KCNMB2: variants seen among roughly 807,000 people sequenced by gnomAD.
KCNMB2 encodes calcium-activated potassium channel subunit beta-2.
In KCNMB2, 9 loss-of-function variants were observed where a neutral mutation model predicts 24.5. The observed-to-expected ratio is 0.37, with a 90% CI of 0.22 to 0.64. KCNMB2 has a LOEUF of 0.64. Among genes scored for constraint, KCNMB2 ranks in the 30% least tolerant of loss-of-function variants. The probability of loss-of-function intolerance (pLI) is 0.63; values close to 1 mark genes in which losing one functional copy is unlikely to be tolerated. For missense variants in KCNMB2, 226 were observed against 284.3 expected (o/e 0.79, Z 1.47); for synonymous variants, 109 against 104.4 (o/e 1.04, Z -0.27).
chr3:178,721,893 G>A (rs1722818434), intron 1 of KCNMB2, among the ~76,000 whole-genome samples: 1 of 152,096 alleles, frequency 6.6e-6, no homozygotes, highest in East Asian at 1.9e-4. Flanking sequence ...TGAAATGTCT[G>A]TTCAAGCCAT....
intron 1 of KCNMB2, among the ~76,000 whole-genome samples, chr3:178,716,363 G>A (rs904749110): frequency 6.6e-6 from 1 of 151,780 alleles, no homozygotes. Flanking sequence ...ATTCAATTGA[G>A]AGAAAACTGA....
chr3:178,541,033 T>C (rs139485807), intron 1 of KCNMB2, among the ~76,000 whole-genome samples: 3 of 152,342 alleles, frequency 2.0e-5, no homozygotes, highest in Admixed American at 1.3e-4. Context: ...AATCCATTAG[T>C]AGCATTAGAT....
At chr3:178,829,831 T>A (rs934816857) in intron 4 of KCNMB2, among the ~76,000 whole-genome samples, 3 of 152,198 alleles carry the variant, frequency 2.0e-5, no homozygotes, top group African/African-American at 7.2e-5. Flanking sequence ...TCAGGACTGG[T>A]ACCTTATTTG....
intron 1 of KCNMB2, among the ~76,000 whole-genome samples, chr3:178,600,511 A>G (rs1718040777): frequency 6.6e-6 from 1 of 152,226 alleles, no homozygotes; most frequent in South Asian, 2.1e-4. Flanking sequence ...AAAGCTATAC[A>G]TTGGAAAATA....
chr3:178,584,365 C>T (rs912624238), intron 1 of KCNMB2, among the ~76,000 whole-genome samples: 1 of 152,178 alleles, frequency 6.6e-6, no homozygotes, highest in Non-Finnish European at 1.5e-5. Flanking sequence ...TTGCCACAGG[C>T]AATAGTTGTT....
chr3:178,591,342 T>A (rs1717666147), intron 1 of KCNMB2, among the ~76,000 whole-genome samples: 1 of 152,142 alleles, frequency 6.6e-6, no homozygotes, highest in Admixed American at 6.6e-5. Flanking sequence ...GATCACTAGG[T>A]TTTCATCGCT....
intron 1 of KCNMB2, among the ~76,000 whole-genome samples, chr3:178,601,172 C>T (rs1158337681): frequency 1.7e-5 from 2 of 120,562 alleles, no homozygotes; most frequent in Admixed American, 2.1e-4. Context: ...GTGAGGGAAA[C>T]ATTACATATG....
intron 1 of KCNMB2, among the ~76,000 whole-genome samples, chr3:178,557,221 G>A (rs956945419): frequency 1.3e-5 from 2 of 152,124 alleles, no homozygotes; most frequent in Non-Finnish European, 2.9e-5. Context: ...ATTCAAATCT[G>A]TATCTAGGTA....
At chr3:178,612,513 T>G (rs1718517245) in intron 1 of KCNMB2, among the ~76,000 whole-genome samples, 1 of 152,204 alleles carries the variant, frequency 6.6e-6, no homozygotes, top group South Asian at 2.1e-4. Context: ...TCTCTTATAA[T>G]TTTTGTTCTG....
chr3:178,691,293 G>T (rs1577100901), intron 1 of KCNMB2, among the ~76,000 whole-genome samples: 1 of 139,858 alleles, frequency 7.2e-6, no homozygotes, highest in Non-Finnish European at 1.6e-5. Context: ...ACATGTGCAG[G>T]TTTTTTTTTT....
At chr3:178,623,335 T>C (rs1481644825) in intron 1 of KCNMB2, among the ~76,000 whole-genome samples, 1 of 152,220 alleles carries the variant, frequency 6.6e-6, no homozygotes, top group Non-Finnish European at 1.5e-5. Flanking sequence ...AAGAAATGTT[T>C]GAAGCATTAA....
intron 1 of KCNMB2, among the ~76,000 whole-genome samples, chr3:178,751,952 C>T (rs1723866325): frequency 6.6e-6 from 1 of 152,182 alleles, no homozygotes; most frequent in East Asian, 1.9e-4. Flanking sequence ...TGGCCACCTG[C>T]CCAAGGAAGT....
intron 4 of KCNMB2, among the ~76,000 whole-genome samples, chr3:178,834,437 T>A (rs906880685): frequency 2.0e-5 from 3 of 152,214 alleles, no homozygotes; most frequent in African/African-American, 7.2e-5. Flanking sequence ...ATTCTATGAA[T>A]TATTTATCCT....
intron 1 of KCNMB2, among the ~76,000 whole-genome samples, chr3:178,623,794 G>C (rs2054399): frequency 6.6e-6 from 1 of 151,946 alleles, no homozygotes; most frequent in Non-Finnish European, 1.5e-5. Context: ...CTGGTGGACC[G>C]TATTCAAGGC....
At chr3:178,766,732 G>A (rs765834715) in intron 1 of KCNMB2, among the ~76,000 whole-genome samples, 8 of 152,124 alleles carry the variant, frequency 5.3e-5, no homozygotes, top group African/African-American at 1.4e-4. Context: ...ATATGTGGAC[G>A]TTACTTTAGA....
chr3:178,815,732 CATGA>C (rs1389149547), intron 2 of KCNMB2, among the ~76,000 whole-genome samples: 3 of 151,866 alleles, frequency 2.0e-5, no homozygotes, highest in African/African-American at 7.2e-5. Context: ...GAGTTTTTAT[CATGA>C]ATGAATGTTA....
intron 1 of KCNMB2, among the ~76,000 whole-genome samples, chr3:178,554,918 T>C (rs982720977): frequency 2.6e-5 from 4 of 152,240 alleles, no homozygotes; most frequent in African/African-American, 9.6e-5. Flanking sequence ...AGAGGTTGTC[T>C]AGAGAGGACT....
chr3:178,587,612 T>TG (rs1446426934), intron 1 of KCNMB2, among the ~76,000 whole-genome samples: 1 of 150,316 alleles, frequency 6.7e-6, no homozygotes, highest in Non-Finnish European at 1.5e-5. Flanking sequence ...GTTTTTTTTT[T>TG]TTTTTGTATT....
intron 1 of KCNMB2, among the ~76,000 whole-genome samples, chr3:178,784,196 T>A (rs1359273407): frequency 1.3e-5 from 2 of 152,204 alleles, no homozygotes; most frequent in African/African-American, 4.8e-5. Flanking sequence ...CATTTATTAG[T>A]ACCTATCATG....
Sources: gnomAD v4.1 joint callset for allele counts (sites outside exome capture counted in the v4.1 genomes callset) on GRCh38, gnomAD v4.1.1 for gene constraint, MANE v1.5 for transcripts, NCBI Gene and HGNC (gene_info 2026-07-23, HGNC 2026-07-21) for gene names.